Variants in ZNF383 observed in about 807,000 individuals in gnomAD.
ZNF383 encodes zinc finger protein 383.
ZNF383 carries 32 observed loss-of-function variants against 44.2 expected under a neutral mutation model. The ratio of observed to expected loss-of-function variants is 0.72; its 90% CI spans 0.55 to 0.97. The LOEUF is 0.97. ZNF383 is among the 50% of genes least tolerant of loss of function. The pLI is 0.00. For synonymous variants in ZNF383, 155 were observed against 186.2 expected (o/e 0.83, Z 1.36); for missense variants, 487 against 562.5 (o/e 0.87, Z 1.36).
chr19:37,224,788 C>T (rs1446231968), intron 1 of ZNF383, 30 bp from the exon 2 acceptor site: 2 of 147,954 alleles, frequency 1.4e-5, no homozygotes, highest in Non-Finnish European at 3.0e-5. Context: ...GTAAAATTTA[C>T]CATCTTAATC....
chr19:37,237,350 T>C (rs1343040432), intron 5 of ZNF383, among the ~76,000 whole-genome samples: 1 of 152,086 alleles, frequency 6.6e-6, no homozygotes, highest in South Asian at 2.1e-4. Context: ...GCAATCACTA[T>C]GTATAGAGAT....
chr19:37,242,750 T>C lies in ZNF383; in HGVS notation c.514T>C (p.Cys172Arg). Residue 172 changes from cysteine to arginine, a missense_variant, in exon 6 of 6, where the codon TGT becomes CGT. Transcript: ENST00000684119. ...TAATAATGAAGACAGACCCTATGAA[T>C]GTAAGAAATGTGGAAAGGCCTTTAG... ...IINNEDRPYE[C>R]KKCGKAFSQN... 1 of 1,614,136 alleles carries C rather than the reference T, an allele frequency of 6.2e-7. No individual in the cohort carries two copies. Among genetic ancestry groups the C allele is most frequent in the Non-Finnish European group, 8.5e-7 (1 of 1,180,014 alleles).
intron 1 of ZNF383, among the ~76,000 whole-genome samples, chr19:37,220,357 C>T (rs969243365): frequency 6.6e-6 from 1 of 152,122 alleles, no homozygotes; most frequent in Non-Finnish European, 1.5e-5. Context: ...TCCCGCCTCC[C>T]GAGTTCAAGC....
At chr19:37,236,363 G>T (rs906794272) in intron 5 of ZNF383, among the ~76,000 whole-genome samples, 20 of 151,496 alleles carry the variant, frequency 1.3e-4, no homozygotes, top group Admixed American at 8.6e-4. Flanking sequence ...AGATTCAGCT[G>T]CTTGCTAGCT....
intron 3 of ZNF383, among the ~76,000 whole-genome samples, chr19:37,233,215 C>T (rs1000324243): frequency 6.6e-6 from 1 of 152,014 alleles, no homozygotes; most frequent in South Asian, 2.1e-4. Flanking sequence ...ACTGCAAGCT[C>T]CGCCTCCTGG....
intron 1 of ZNF383, among the ~76,000 whole-genome samples, chr19:37,221,284 TATAAC>T (rs1272696617): frequency 3.3e-5 from 5 of 152,226 alleles, no homozygotes; most frequent in Middle Eastern, 3.4e-3. Context: ...GTTTTAAAAG[TATAAC>T]ATACATTCTG....
At chr19:37,240,705 G>T (rs56127016) in intron 5 of ZNF383, among the ~76,000 whole-genome samples, 2,242 of 152,260 alleles carry the variant, frequency 0.015, 64 homozygotes, top group African/African-American at 0.051. Flanking sequence ...AAATAATTCT[G>T]AGTTTTCCTA....
chr19:37,228,590 T>C (rs1287351582), intron 2 of ZNF383, among the ~76,000 whole-genome samples: 1 of 152,100 alleles, frequency 6.6e-6, no homozygotes, highest in Non-Finnish European at 1.5e-5. Flanking sequence ...TTTGTTATTT[T>C]ATTGTATCCC....
At chr19:37,221,869 T>C (rs1478339906) in intron 1 of ZNF383, among the ~76,000 whole-genome samples, 3 of 150,790 alleles carry the variant, frequency 2.0e-5, no homozygotes, top group African/African-American at 7.3e-5. Flanking sequence ...GGCGGGAGAA[T>C]TGTGTGAACC....
At chr19:37,230,497 T>C in intron 3 of ZNF383, 35 bp downstream of exon 3, 1 of 1,587,702 alleles carries the variant, frequency 6.3e-7, no homozygotes, top group South Asian at 1.1e-5. Flanking sequence ...TCCTGACATT[T>C]AGTTTAAAAA....
At chr19:37,233,729 G>A (rs1015582956) in intron 3 of ZNF383, among the ~76,000 whole-genome samples, 1 of 151,624 alleles carries the variant, frequency 6.6e-6, no homozygotes, top group Non-Finnish European at 1.5e-5. Flanking sequence ...CACCGGGCCT[G>A]GGATTTGTTT....
chr19:37,218,926 C>T (rs568402109), intron 1 of ZNF383, among the ~76,000 whole-genome samples: 1 of 152,016 alleles, frequency 6.6e-6, no homozygotes, highest in East Asian at 1.9e-4. Flanking sequence ...CTCAGTAGTG[C>T]GTGTGGTATT....
In ZNF383 at chr19:37,243,575, G is replaced by A. The variant is rs1451086355; in HGVS notation, c.1339G>A (p.Glu447Lys). The change falls in exon 6 of 6, where the codon GAA (glutamate) becomes AAA (lysine). Residue 447 changes from glutamate to lysine, a missense_variant. By Grantham distance (56) the Glu-to-Lys change is moderately conservative. Transcript: ENST00000684119. ...TCGACATCTGAGAATTCACACTGGT[G>A]AAAAGCCCTATAACTGTAAGGAATG... ...LTRHLRIHTG[E>K]KPYNCKECGK... The A allele has an allele frequency of 7.4e-6, 12 of 1,613,588 alleles. No homozygotes were observed. Among genetic ancestry groups the A allele is most frequent in the Non-Finnish European group, 1.0e-5 (12 of 1,179,752 alleles).
intron 2 of ZNF383, chr19:37,227,892 A>G (rs1481138194): frequency 2.0e-5 from 3 of 152,234 alleles, no homozygotes; most frequent in Admixed American, 6.5e-5. Context: ...CAAAATTTGT[A>G]ACTAATTTTG....
intron 1 of ZNF383, among the ~76,000 whole-genome samples, chr19:37,218,572 G>C (rs1362314562): frequency 6.6e-6 from 1 of 152,122 alleles, no homozygotes; most frequent in Non-Finnish European, 1.5e-5. Flanking sequence ...GTAACTTTGC[G>C]TGACATTTGT....
At chr19:37,241,579 T>C (rs937353623) in intron 5 of ZNF383, among the ~76,000 whole-genome samples, 4 of 152,168 alleles carry the variant, frequency 2.6e-5, no homozygotes, top group Non-Finnish European at 5.9e-5. Flanking sequence ...TGATTAAATC[T>C]GTGCCACTCA....
At chr19:37,237,557 C>T (rs1973879105) in intron 5 of ZNF383, among the ~76,000 whole-genome samples, 1 of 152,194 alleles carries the variant, frequency 6.6e-6, no homozygotes. Flanking sequence ...CTGAAGCCTA[C>T]ATTCTAGAGG....
At chr19:37,233,433 T>C (rs1196813727) in intron 3 of ZNF383, among the ~76,000 whole-genome samples, 1 of 138,938 alleles carries the variant, frequency 7.2e-6, no homozygotes, top group East Asian at 2.2e-4. Context: ...GCCCGGCTGT[T>C]TTTATTTTTT....
At chr19:37,220,263 CT>C (rs1301074581) in intron 1 of ZNF383, among the ~76,000 whole-genome samples, 3 of 151,956 alleles carry the variant, frequency 2.0e-5, no homozygotes, top group Admixed American at 1.3e-4. Context: ...GAGTCTCGCT[CT>C]GTTGCCCAGG....
Sources: gnomAD v4.1 joint callset for allele counts (sites outside exome capture counted in the v4.1 genomes callset) on GRCh38, gnomAD v4.1.1 for gene constraint, MANE v1.5 for transcripts, NCBI Gene and HGNC (gene_info 2026-07-23, HGNC 2026-07-21) for gene names.